CDCA2: variants seen among roughly 807,000 people sequenced by gnomAD.
CDCA2 encodes the protein cell division cycle-associated protein 2.
CDCA2 carries 44 observed loss-of-function variants against 67.0 expected under a neutral mutation model. That is an observed-to-expected ratio of 0.66 (90% CI 0.52 to 0.84). The LOEUF (loss-of-function observed/expected upper bound fraction) is 0.84. Ranked by LOEUF, CDCA2 falls within the 40% of genes least tolerant of loss-of-function variation. The pLI, the probability that CDCA2 is intolerant of heterozygous loss-of-function variation, is 0.00. For missense variants in CDCA2, 1,253 were observed against 1,203.2 expected (o/e 1.04, Z -0.61); for synonymous variants, 447 against 418.7 (o/e 1.07, Z -0.82).
In CDCA2 at chr8:25,484,130, C is replaced by G. The variant is rs751683924; in HGVS notation, c.1285C>G (p.Leu429Val). The change falls in exon 10 of 15, where the codon CTC becomes GTC. Residue 429 changes from leucine to valine, a missense_variant. By Grantham distance (32) the Leu-to-Val change is conservative. Transcript: ENST00000330560. ...TGTTTGTAAAAAAGACTTCAGTGGT[C>G]TCAGTTCCCTGCTGCTTGAGCAGTC... Reference protein sequence around the residue: ...TPVCKKDFSGLSSLLLEQSPV... With the variant: ...TPVCKKDFSGVSSLLLEQSPV... 36 of 1,614,048 alleles carry G rather than the reference C, an allele frequency of 2.2e-5. No homozygotes were observed. The highest frequency in any genetic ancestry group is 2.8e-5 in the Non-Finnish European group (33 of 1,180,036).
At chr8:25,478,560 A>G (rs944387910) in intron 7 of CDCA2, among the ~76,000 whole-genome samples, 10 of 152,194 alleles carry the variant, frequency 6.6e-5, no homozygotes, top group African/African-American at 2.4e-4. Flanking sequence ...TATTATTTCT[A>G]CTAGGCCTTC....
intron 13 of CDCA2, among the ~76,000 whole-genome samples, chr8:25,502,478 T>C (rs1424564271): frequency 1.3e-5 from 2 of 151,968 alleles, no homozygotes; most frequent in African/African-American, 4.8e-5. Context: ...TCAATTAATG[T>C]CAGACCTTTG....
chr8:25,470,893 C>G (rs144129958), intron 7 of CDCA2, among the ~76,000 whole-genome samples: 160 of 151,916 alleles, frequency 1.1e-3, no homozygotes, highest in Non-Finnish European at 5.3e-4. Flanking sequence ...TCCTGAGTAG[C>G]TGGGATTACA....
chr8:25,503,295 A>T, intron 13 of CDCA2, 78 bp from the exon 14 acceptor site: 1 of 1,068,632 alleles, frequency 9.4e-7, no homozygotes, highest in Non-Finnish European at 1.4e-6. Flanking sequence ...AAATAAATAA[A>T]AATAACTAGT....
At chr8:25,497,855 C>T (rs6984194) in intron 13 of CDCA2, among the ~76,000 whole-genome samples, 139,663 of 152,196 alleles carry the variant, frequency 0.92, 64,243 homozygotes, top group East Asian at 0.96. Context: ...TTCAAATTTG[C>T]CCATCAAAAC....
chr8:25,463,795 CCCTTCCTGATG>C (rs1212420067), intron 4 of CDCA2, among the ~76,000 whole-genome samples: 1 of 152,142 alleles, frequency 6.6e-6, no homozygotes, highest in Non-Finnish European at 1.5e-5. Context: ...AAACCTACAC[CCCTTCCTGATG>C]CCTTCGTACG....
In CDCA2 at chr8:25,460,169, T is replaced by A. The variant is rs1586453277; in HGVS notation, c.1-71T>A. 6.9e-6 allele frequency: 10 copies of A among 1,441,244 alleles called. No individual in the cohort carries two copies. The East Asian group carries it at 2.0e-4, about 29-fold the overall frequency. The allele number at this position is 1,441,244 out of a possible 1,614,324, so 89.3% of individuals were successfully genotyped here. ...GACTGTATTACAATTCAGTCCTGAA[T>A]AAGGTACGTGATCGAATCACGTTCA... is the stretch of plus-strand genomic sequence containing the variant. On this transcript the variant is annotated intron_variant, in intron 1 of 14. Transcript: ENST00000330560.
chr8:25,460,432 A>G lies in CDCA2; in HGVS notation c.110A>G (p.Lys37Arg), dbSNP rs1162390861. 6.2e-7 allele frequency: 1 copy of G among 1,614,196 alleles called. No individual in the cohort carries two copies. The highest frequency in any genetic ancestry group is 1.7e-5 in the Admixed American group (1 of 60,020). Residue 37 changes from lysine (K) to arginine (R), a missense_variant, in exon 3 of 15, where the codon AAG (lysine) becomes AGG (arginine). By Grantham distance (26) the Lys-to-Arg change is conservative. Transcript: ENST00000330560. ...LGTGKIVTPQ[K>R]HAELPPNPCT... ...ACTGGGAAGATTGTGACTCCTCAGA[A>G]GCATGCCGAATTACCTCCTAATCCT... is the stretch of plus-strand genomic sequence containing the variant.
rs143548468 is a variant in CDCA2, at chr8:25,488,892, T to A, written c.1671+203T>A. On this transcript the variant is annotated intron_variant, in intron 13 of 14. Transcript: ENST00000330560. ...AAGGAACACTTTTGCGTCTTCTTCA[T>A]CTTCTTGTGTTGCGTACTTCCTGCA... Among the ~76,000 whole-genome samples, 143 of 152,280 alleles carry A rather than the reference T, an allele frequency of 9.4e-4. 2 individuals carry two copies. The highest frequency in any genetic ancestry group is 3.2e-3 in the African/African-American group (132 of 41,560).
chr8:25,503,600 T>A, intron 14 of CDCA2, 56 bp downstream of exon 14: 2 of 1,523,278 alleles, frequency 1.3e-6, no homozygotes, highest in Non-Finnish European at 8.8e-7. Context: ...ACCCTCTTTG[T>A]TGCTATTTTA....
intron 13 of CDCA2, among the ~76,000 whole-genome samples, chr8:25,491,209 C>G (rs975717301): frequency 1.3e-5 from 2 of 152,038 alleles, no homozygotes; most frequent in Non-Finnish European, 2.9e-5. Context: ...CACCATAGGA[C>G]TCTTAGGAAA....
chr8:25,462,686 T>G (rs1001208095), intron 4 of CDCA2, among the ~76,000 whole-genome samples: 1 of 121,236 alleles, frequency 8.2e-6, no homozygotes, highest in African/African-American at 2.9e-5. Flanking sequence ...TTTTCTTTGT[T>G]TGCTTTGTTT....
chr8:25,466,261 C>G lies in CDCA2; in HGVS notation c.474C>G (p.Asn158Lys), dbSNP rs10108752. 1 of 1,610,178 alleles carries G rather than the reference C, an allele frequency of 6.2e-7. No individual in the cohort carries two copies. The highest frequency in any genetic ancestry group is 8.5e-7 in the Non-Finnish European group (1 of 1,179,086). The change falls in exon 5 of 15, where the codon AAC (asparagine) becomes AAG (lysine). Residue 158 changes from asparagine to lysine, a missense_variant. By Grantham distance (94) the Asn-to-Lys change is moderately conservative. Coordinates refer to ENST00000330560, the MANE Select transcript of CDCA2 (RefSeq NM_152562.4). ...CAGCTTTTCACTCCATAAAGGAAAA[C>G]GAGAAAATGACCGGCTGTCTGGAAT... is the stretch of plus-strand genomic sequence containing the variant. The part of the protein sequence containing the change: ...FQSAFHSIKE[N>K]EKMTGCLEFS...
Position 25,507,454 on chromosome 8 carries a change from A to T in CDCA2, c.2788A>T (p.Ser930Cys). Residue 930 changes from serine to cysteine, a missense_variant, in exon 15 of 15, where the codon AGT becomes TGT. Transcript: ENST00000330560. ...KRRTICTFDS[S>C]GFESMSPIKE... ...AAGAACAATATGTACATTTGACAGC[A>T]GTGGATTTGAAAGTATGTCTCCCAT... The T allele has an allele frequency of 6.2e-7, 1 of 1,614,090 alleles. No individual in the cohort carries two copies. Among genetic ancestry groups the T allele is most frequent in the Non-Finnish European group, 8.5e-7 (1 of 1,180,002 alleles).
chr8:25,478,888 G>GTGTATATATATATATATATATATATA (rs1006353040), intron 7 of CDCA2, among the ~76,000 whole-genome samples: 16 of 111,584 alleles, frequency 1.4e-4, no homozygotes, highest in African/African-American at 6.0e-4. Context: ...TTGTGTGTGT[G>GTGTATATATATATATATATATATATA]TATATATATA....
intron 4 of CDCA2, among the ~76,000 whole-genome samples, chr8:25,464,090 G>A (rs960425395): frequency 7.9e-5 from 12 of 152,250 alleles, no homozygotes; most frequent in African/African-American, 2.6e-4. Context: ...CTGTAACTAC[G>A]TTTATATGTT....
intron 5 of CDCA2, among the ~76,000 whole-genome samples, chr8:25,467,055 AAAAAAAAAAAAC>A (rs1162212974): frequency 3.1e-4 from 44 of 141,734 alleles, no homozygotes; most frequent in African/African-American, 1.0e-3. Context: ...AAAAAAAAAA[AAAAAAAAAAAAC>A]ACACACACAC....
intron 13 of CDCA2, among the ~76,000 whole-genome samples, chr8:25,492,951 A>G (rs897414373): frequency 3.9e-5 from 6 of 152,150 alleles, no homozygotes; most frequent in Admixed American, 2.6e-4. Context: ...CTCCAGTGCA[A>G]TGCTGGGTAA....
At chr8:25,479,828 A>G (rs1300581686) in intron 7 of CDCA2, 85 bp from the exon 8 acceptor site, 1 of 1,255,548 alleles carries the variant, frequency 8.0e-7, no homozygotes, top group Non-Finnish European at 1.2e-6. Flanking sequence ...GCATGTTATT[A>G]TCTTTGCAAA....
Sources: allele counts gnomAD v4.1 joint callset (sites outside exome capture counted in the v4.1 genomes callset), GRCh38; gene constraint gnomAD v4.1.1; transcripts MANE v1.5; gene names NCBI Gene and HGNC (gene_info 2026-07-23, HGNC 2026-07-21).